The following SLC9A9 variants were observed in gnomAD, a reference collection of about 807,000 sequenced individuals.
SLC9A9 encodes solute carrier family 9 member A9.
SLC9A9 carries 62 observed loss-of-function variants against 77.8 expected under a neutral mutation model. The ratio of observed to expected loss-of-function variants is 0.80; its 90% CI spans 0.65 to 0.98. The LOEUF (loss-of-function observed/expected upper bound fraction) is 0.98. SLC9A9 is among the 50% of genes least tolerant of loss of function. The pLI, the probability that SLC9A9 is intolerant of heterozygous loss-of-function variation, is 0.00. For missense variants in SLC9A9, 775 were observed against 774.9 expected (o/e 1.00, Z 0.00); for synonymous variants, 320 against 283.5 (o/e 1.13, Z -1.29).
At chr3:143,379,113 G>A (rs746359559) in intron 13 of SLC9A9, among the ~76,000 whole-genome samples, 1 of 151,960 alleles carries the variant, frequency 6.6e-6, no homozygotes, top group Non-Finnish European at 1.5e-5. Flanking sequence ...AAAATTTTTA[G>A]CCTTTGGTAA....
At chr3:143,409,182 C>T (rs1329290588) in intron 12 of SLC9A9, among the ~76,000 whole-genome samples, 2 of 152,188 alleles carry the variant, frequency 1.3e-5, no homozygotes, top group African/African-American at 4.8e-5. Flanking sequence ...CTGGTATTAA[C>T]TCAAAATAAA....
At position 143,370,567 on chromosome 3, in the gene SLC9A9, GCACACA is replaced by G. The variant is rs57705324; in HGVS notation, c.1525-7010_1525-7005del. 9.0e-3 allele frequency among the ~76,000 whole-genome samples: 1,287 copies of G among 143,404 alleles called. 15 individuals are homozygous for G. Among genetic ancestry groups the G allele is most frequent in the African/African-American group, 0.03 (1,179 of 38,784 alleles). 94.1% of individuals were successfully genotyped at this position (143,404 alleles called of 152,430 possible). On this transcript the variant is annotated intron_variant, in intron 13 of 15. Transcript: ENST00000316549. ...TGTACACAAGTATATGCATGTGCGCGCACACACACACACACACACACACACACACAC... is the reference window on the plus strand; with the variant it reads ...TGTACACAAGTATATGCATGTGCGCGCACACACACACACACACACACACAC...
chr3:143,545,712 C>T (rs2036777465), intron 9 of SLC9A9, among the ~76,000 whole-genome samples: 1 of 152,106 alleles, frequency 6.6e-6, no homozygotes, highest in Non-Finnish European at 1.5e-5. Flanking sequence ...AGCATTCAGC[C>T]CTCAGTATGA....
Position 143,578,571 on chromosome 3 carries a change from C to T in SLC9A9, c.894+14G>A. ...CTTGACAGTCCCAGCTTTCCACATACAGACAAAGGATATCAGTGCTGTGAT... is the reference window on the plus strand; with the variant it reads ...CTTGACAGTCCCAGCTTTCCACATATAGACAAAGGATATCAGTGCTGTGAT... On this transcript the variant is annotated intron_variant, in intron 7 of 15. Coordinates refer to ENST00000316549, the MANE Select transcript of SLC9A9 (RefSeq NM_173653.4). 6.2e-7 allele frequency: 1 copy of T among 1,613,800 alleles called. No individual in the cohort carries two copies. The highest frequency in any genetic ancestry group is 8.5e-7 in the Non-Finnish European group (1 of 1,179,764).
intron 7 of SLC9A9, among the ~76,000 whole-genome samples, chr3:143,576,794 G>A (rs1327804251): frequency 2.0e-5 from 3 of 152,158 alleles, no homozygotes; most frequent in Admixed American, 6.5e-5. Context: ...AAAACACGTC[G>A]TAGGCAGCCT....
intron 8 of SLC9A9, among the ~76,000 whole-genome samples, chr3:143,562,377 A>G (rs1444737987): frequency 1.3e-5 from 2 of 152,158 alleles, no homozygotes; most frequent in Non-Finnish European, 2.9e-5. Context: ...GTTCATGGGT[A>G]GGGACTTCAG....
intron 12 of SLC9A9, among the ~76,000 whole-genome samples, chr3:143,417,548 G>C (rs1004380058): frequency 1.1e-4 from 16 of 151,262 alleles, no homozygotes; most frequent in Non-Finnish European, 1.8e-4. Context: ...GATGGATGGA[G>C]GGAGGGAAAA....
intron 14 of SLC9A9, among the ~76,000 whole-genome samples, chr3:143,304,568 C>T (rs573511426): frequency 1.3e-5 from 2 of 152,148 alleles, no homozygotes; most frequent in African/African-American, 2.4e-5. Flanking sequence ...AACTTGGTTT[C>T]GAGTTGACAG....
intron 9 of SLC9A9, among the ~76,000 whole-genome samples, chr3:143,542,098 A>G (rs1386315916): frequency 5.3e-5 from 8 of 152,200 alleles, no homozygotes; most frequent in Non-Finnish European, 1.2e-4. Context: ...CTGAAAGTAC[A>G]AGGTGTTCTT....
intron 6 of SLC9A9, among the ~76,000 whole-genome samples, chr3:143,591,692 A>G (rs1165452897): frequency 2.6e-5 from 4 of 152,268 alleles, no homozygotes; most frequent in Admixed American, 6.5e-5. Flanking sequence ...AAGGATGAAC[A>G]GTTCATCTGT....
At chr3:143,425,264 CTTTTT>C (rs200568656) in intron 12 of SLC9A9, among the ~76,000 whole-genome samples, 2 of 98,534 alleles carry the variant, frequency 2.0e-5, no homozygotes, top group African/African-American at 4.1e-5. Context: ...TGAGGCTTAG[CTTTTT>C]TTTTTTTTTT....
At chr3:143,672,363 A>T (rs975650394) in intron 5 of SLC9A9, among the ~76,000 whole-genome samples, 1 of 152,246 alleles carries the variant, frequency 6.6e-6, no homozygotes, top group Non-Finnish European at 1.5e-5. Flanking sequence ...AAAAGATGTG[A>T]TCCAAACAAA....
chr3:143,800,674 A>G (rs1576736115), intron 2 of SLC9A9, among the ~76,000 whole-genome samples: 2 of 152,154 alleles, frequency 1.3e-5, no homozygotes, highest in South Asian at 4.1e-4. Context: ...AGCCCTCATT[A>G]CTTCAGCCAA....
chr3:143,686,020 C>T (rs1933251163), intron 5 of SLC9A9, among the ~76,000 whole-genome samples: 1 of 152,174 alleles, frequency 6.6e-6, no homozygotes, highest in Non-Finnish European at 1.5e-5. Flanking sequence ...CAGCTATGTG[C>T]TAGAAATGCA....
intron 9 of SLC9A9, among the ~76,000 whole-genome samples, chr3:143,505,209 T>A (rs1576541585): frequency 6.6e-6 from 1 of 152,124 alleles, no homozygotes; most frequent in South Asian, 2.1e-4. Context: ...CAACCCCTCC[T>A]ACACTCATTC....
intron 4 of SLC9A9, among the ~76,000 whole-genome samples, chr3:143,748,629 G>T (rs866356867): frequency 1.6e-4 from 24 of 150,254 alleles, no homozygotes; most frequent in Middle Eastern, 3.5e-3. Flanking sequence ...AAGGAAAGAA[G>T]AATGTCATCT....
Position 143,748,002 on chromosome 3 carries a change from C to A in SLC9A9, c.533+46999G>T, listed in dbSNP as rs74757431. 3.5e-3 allele frequency among the ~76,000 whole-genome samples: 531 copies of A among 152,264 alleles called. 1 individual carries two copies. The highest frequency in any genetic ancestry group is 6.0e-3 in the Non-Finnish European group (408 of 68,020). On this transcript the variant is annotated intron_variant, in intron 4 of 15. Coordinates refer to ENST00000316549, the MANE Select transcript of SLC9A9 (RefSeq NM_173653.4). Reference sequence around the variant, plus strand: ...AGACTGCCCCTGTGTCTCCACGAACCCCTTTCCTAAGTCTGCGATTGAGCC... The same window carrying A: ...AGACTGCCCCTGTGTCTCCACGAACACCTTTCCTAAGTCTGCGATTGAGCC...
At chr3:143,320,817 C>A (rs2031393174) in intron 14 of SLC9A9, among the ~76,000 whole-genome samples, 1 of 152,146 alleles carries the variant, frequency 6.6e-6, no homozygotes, top group African/African-American at 2.4e-5. Flanking sequence ...GAAGTAAGAT[C>A]TTTTGCAGAT....
chr3:143,339,297 C>CT (rs1250704270), intron 14 of SLC9A9, among the ~76,000 whole-genome samples: 1 of 152,158 alleles, frequency 6.6e-6, no homozygotes, highest in Non-Finnish European at 1.5e-5. Flanking sequence ...CTGAGCCTCC[C>CT]TCCCTACTAG....
Sources: gnomAD v4.1 joint callset for allele counts (sites outside exome capture counted in the v4.1 genomes callset) on GRCh38, gnomAD v4.1.1 for gene constraint, MANE v1.5 for transcripts, NCBI Gene and HGNC (gene_info 2026-07-23, HGNC 2026-07-21) for gene names.